The following GABRR2 variants were observed in gnomAD, a reference collection of about 807,000 sequenced individuals.
GABRR2 encodes the protein gamma-aminobutyric acid type A receptor subunit rho2, also known as gamma-aminobutyric acid receptor subunit rho-2.
In GABRR2, 36 loss-of-function variants were observed where a neutral mutation model predicts 47.0. That is an observed-to-expected ratio of 0.77 (90% CI 0.59 to 1.01). The LOEUF (loss-of-function observed/expected upper bound fraction) is 1.01. Ranked by LOEUF, GABRR2 falls within the 50% of genes least tolerant of loss-of-function variation. The pLI, the probability that GABRR2 is intolerant of heterozygous loss-of-function variation, is 0.00. For synonymous variants in GABRR2, 204 were observed against 227.5 expected (o/e 0.90, Z 0.93); for missense variants, 587 against 594.6 (o/e 0.99, Z 0.13).
chr6:89,312,650 T>C (rs575881255), intron 1 of GABRR2, among the ~76,000 whole-genome samples: 2 of 152,332 alleles, frequency 1.3e-5, no homozygotes, highest in African/African-American at 4.8e-5. Flanking sequence ...GCTTGACACC[T>C]GCGTGTCAAT....
At chr6:89,303,994 T>G (rs564712604) in intron 1 of GABRR2, among the ~76,000 whole-genome samples, 1 of 152,124 alleles carries the variant, frequency 6.6e-6, no homozygotes, top group African/African-American at 2.4e-5. Context: ...CTCAAAACTA[T>G]AAAAACCCTG....
chr6:89,304,313 T>A (rs1767513403), intron 1 of GABRR2, among the ~76,000 whole-genome samples: 1 of 152,120 alleles, frequency 6.6e-6, no homozygotes, highest in Non-Finnish European at 1.5e-5. Flanking sequence ...TGCCTGTAAT[T>A]CCAGCACTTT....
At chr6:89,286,676 A>C (rs1306268706) in intron 2 of GABRR2, among the ~76,000 whole-genome samples, 1 of 152,098 alleles carries the variant, frequency 6.6e-6, no homozygotes, top group Non-Finnish European at 1.5e-5. Context: ...GGTCACCTCC[A>C]CACAGATGGG....
At chr6:89,258,054 C>A in intron 8 of GABRR2, 73 bp from the exon 9 acceptor site, 3 of 1,395,146 alleles carry the variant, frequency 2.2e-6, no homozygotes, top group African/African-American at 1.4e-5. Flanking sequence ...GGCCCAAGAG[C>A]AAAGCCACAT....
At chr6:89,306,342 A>G (rs1394650995) in intron 1 of GABRR2, among the ~76,000 whole-genome samples, 2 of 152,192 alleles carry the variant, frequency 1.3e-5, no homozygotes, top group Non-Finnish European at 2.9e-5. Context: ...CCTGAGTAAC[A>G]GAGTGAGACC....
Position 89,269,235 on chromosome 6 carries a change from C to T in GABRR2, c.289-1G>A. 1.2e-6 allele frequency: 2 copies of T among 1,613,574 alleles called. No individual in the cohort carries two copies. Among genetic ancestry groups the T allele is most frequent in the Admixed American group, 3.3e-5 (2 of 60,034 alleles). On this transcript the variant is annotated splice_acceptor_variant, in intron 3 of 8. Coordinates refer to ENST00000402938, the MANE Select transcript of GABRR2 (RefSeq NM_002043.5). LOFTEE classifies it high-confidence loss of function. ...GCAGGTACAGGGTCATAGTGAAGTC[C>T]TGTGGGAGCCGGGGTGAGACCAGAC...
At chr6:89,265,355 G>A (rs1464406264) in intron 7 of GABRR2, among the ~76,000 whole-genome samples, 1 of 152,134 alleles carries the variant, frequency 6.6e-6, no homozygotes, top group African/African-American at 2.4e-5. Context: ...GATATTGCCA[G>A]TTGTCGAAGT....
intron 2 of GABRR2, among the ~76,000 whole-genome samples, chr6:89,294,633 C>T (rs1051753761): frequency 6.6e-6 from 1 of 151,716 alleles, no homozygotes; most frequent in Non-Finnish European, 1.5e-5. Flanking sequence ...GTGGGTTGGG[C>T]CCAGGCTCTA....
At chr6:89,269,861 C>T (rs1351674024) in intron 3 of GABRR2, among the ~76,000 whole-genome samples, 1 of 152,198 alleles carries the variant, frequency 6.6e-6, no homozygotes, top group Non-Finnish European at 1.5e-5. Context: ...TGAAATCTTA[C>T]CTTGTTCAAA....
In GABRR2 at chr6:89,269,248, G is replaced by A. The variant is rs202047754; in HGVS notation, c.289-14C>T. 6.7e-5 allele frequency: 107 copies of A among 1,606,846 alleles called. 1 individual carries two copies. Among genetic ancestry groups the A allele is most frequent in the Non-Finnish European group, 8.3e-5 (97 of 1,173,530 alleles). On this transcript the variant is annotated splice_polypyrimidine_tract_variant and intron_variant, in intron 3 of 8. Transcript: ENST00000402938. The stretch of plus-strand genomic sequence containing the variant: ...CATAGTGAAGTCCTGTGGGAGCCGG[G>A]GTGAGACCAGACAAAAATGGCTTAG...
rs1773571984 is a variant in GABRR2, at chr6:89,254,938, T to C, written c.*2732A>G. ...CTATAGAATTAACTCCAGTTTAACA[T>C]AGAAGCTAGCAAAAATAAATATTTG... On this transcript the variant is annotated 3_prime_UTR_variant, in exon 9 of 9. Coordinates refer to ENST00000402938, the MANE Select transcript of GABRR2 (RefSeq NM_002043.5). Among the ~76,000 whole-genome samples the C allele has an allele frequency of 6.6e-6, 1 of 152,176 alleles. No homozygotes were observed. Among genetic ancestry groups the C allele is most frequent in the Non-Finnish European group, 1.5e-5 (1 of 68,034 alleles).
chr6:89,286,792 A>G (rs1774340682), intron 2 of GABRR2, among the ~76,000 whole-genome samples: 1 of 152,008 alleles, frequency 6.6e-6, no homozygotes, highest in Non-Finnish European at 1.5e-5. Context: ...ATTTTAATGG[A>G]AGGAGCAAGT....
chr6:89,285,809 C>T (rs1582452963), intron 2 of GABRR2, among the ~76,000 whole-genome samples: 1 of 152,150 alleles, frequency 6.6e-6, no homozygotes, highest in East Asian at 1.9e-4. Context: ...GTATCTCCCA[C>T]TGGCGCGCCC....
chr6:89,296,912 C>A (rs1387938753), intron 2 of GABRR2, among the ~76,000 whole-genome samples: 1 of 152,244 alleles, frequency 6.6e-6, no homozygotes, highest in East Asian at 1.9e-4. Context: ...CTGCCTCTGG[C>A]TGTTCGGTGG....
At chr6:89,273,085 T>C (rs1426855223) in intron 2 of GABRR2, among the ~76,000 whole-genome samples, 2 of 152,246 alleles carry the variant, frequency 1.3e-5, no homozygotes, top group African/African-American at 4.8e-5. Flanking sequence ...CTATTTTCTG[T>C]GTTCTTAAAC....
At chr6:89,296,406 C>T (rs1017100457) in intron 2 of GABRR2, among the ~76,000 whole-genome samples, 2 of 152,212 alleles carry the variant, frequency 1.3e-5, no homozygotes, top group Admixed American at 1.3e-4. Context: ...CCCGTTTCAT[C>T]CAAGTGACAT....
intron 1 of GABRR2, among the ~76,000 whole-genome samples, chr6:89,311,035 G>A (rs1357032213): frequency 2.0e-5 from 3 of 152,110 alleles, no homozygotes; most frequent in Non-Finnish European, 4.4e-5. Context: ...TCATGGTCGG[G>A]TGCTGCCAAG....
chr6:89,263,471 G>A (rs532830986), intron 8 of GABRR2, among the ~76,000 whole-genome samples: 9 of 152,182 alleles, frequency 5.9e-5, no homozygotes, highest in East Asian at 1.9e-4. Flanking sequence ...TTCAAGGATC[G>A]ACTGTAGTAT....
chr6:89,275,595 T>G (rs191822051), intron 2 of GABRR2, among the ~76,000 whole-genome samples: 6 of 152,276 alleles, frequency 3.9e-5, no homozygotes, highest in Admixed American at 1.3e-4. Flanking sequence ...TTTGGAGGCA[T>G]CAAAGTTAAC....
Sources: gnomAD v4.1 joint callset for allele counts (sites outside exome capture counted in the v4.1 genomes callset) on GRCh38, gnomAD v4.1.1 for gene constraint, MANE v1.5 for transcripts, NCBI Gene and HGNC (gene_info 2026-07-23, HGNC 2026-07-21) for gene names.